ELMO1: variants seen among roughly 807,000 people sequenced by gnomAD.
The protein encoded by ELMO1 is engulfment and cell motility protein 1.
A neutral mutation model predicts 98.9 loss-of-function variants in ELMO1; 26 were observed. The observed-to-expected ratio is 0.26, with a 90% CI of 0.19 to 0.36. The LOEUF (loss-of-function observed/expected upper bound fraction) is 0.36. Ranked by LOEUF, ELMO1 falls within the 10% of genes least tolerant of loss-of-function variation. The probability of loss-of-function intolerance (pLI) is 1.00; values close to 1 mark genes in which losing one functional copy is unlikely to be tolerated. For missense variants in ELMO1, 627 were observed against 935.2 expected (o/e 0.67, Z 4.30); for synonymous variants, 346 against 346.0 (o/e 1.00, Z 0.00).
intron 17 of ELMO1, among the ~76,000 whole-genome samples, chr7:36,892,865 G>C (rs1805678396): frequency 6.6e-6 from 1 of 152,116 alleles, no homozygotes; most frequent in Non-Finnish European, 1.5e-5. Context: ...GTACTTCTTG[G>C]TCCATGGCCG....
intron 16 of ELMO1, among the ~76,000 whole-genome samples, chr7:36,976,772 C>T (rs779244742): frequency 1.3e-5 from 2 of 152,160 alleles, no homozygotes; most frequent in Admixed American, 6.5e-5. Flanking sequence ...TTTTAATGTA[C>T]GTGTGGAAGC....
chr7:37,136,147 C>T (rs1008247339), intron 13 of ELMO1, among the ~76,000 whole-genome samples: 16 of 151,950 alleles, frequency 1.1e-4, no homozygotes, highest in African/African-American at 2.9e-4. Flanking sequence ...ACAAGGCTTT[C>T]GAATTAACCC....
Position 37,342,502 on chromosome 7 carries a change from T to C in ELMO1, c.78+111A>G. 8.9e-7 allele frequency: 1 copy of C among 1,124,588 alleles called. No individual in the cohort carries two copies. Among genetic ancestry groups the C allele is most frequent in the South Asian group, 1.3e-5 (1 of 78,466 alleles). The allele number at this position is 1,124,588 out of a possible 1,614,324, so 69.7% of individuals were successfully genotyped here. A position where few individuals can be genotyped will look rare whatever the true frequency, so the allele number is the denominator to read the frequency against. On this transcript the variant is annotated intron_variant, in intron 2 of 21. Transcript: ENST00000310758. The surrounding 1 kb of genome is among the most constrained non-coding windows in gnomAD (Gnocchi z 4.3). Reference sequence around the variant, plus strand: ...TTGCAACTATTATTGCACAGATTTTTCAACACAGCTAGAGAGAGAAAGGGA... The same window carrying C: ...TTGCAACTATTATTGCACAGATTTTCCAACACAGCTAGAGAGAGAAAGGGA...
chr7:37,163,756 G>C (rs1437503434), intron 13 of ELMO1, among the ~76,000 whole-genome samples: 8 of 152,228 alleles, frequency 5.3e-5, no homozygotes, highest in East Asian at 3.9e-4. Flanking sequence ...ATTTGGGTTG[G>C]TTCCAAGTCT....
intron 16 of ELMO1, among the ~76,000 whole-genome samples, chr7:36,903,923 G>C (rs1783774096): frequency 6.6e-6 from 1 of 152,238 alleles, no homozygotes; most frequent in Non-Finnish European, 1.5e-5. Context: ...GCGGACAGGG[G>C]ACTGTGCCTG....
chr7:37,140,618 A>C (rs6942822), intron 13 of ELMO1, among the ~76,000 whole-genome samples: 137,632 of 152,190 alleles, frequency 0.9, 62,402 homozygotes, highest in Non-Finnish European at 0.94. Context: ...GGGAGAAAAT[A>C]TTCACAATCT....
chr7:37,162,030 G>A (rs1789257541), intron 13 of ELMO1, among the ~76,000 whole-genome samples: 1 of 146,168 alleles, frequency 6.8e-6, no homozygotes, highest in South Asian at 2.2e-4. Context: ...AGGAAAGGAG[G>A]GAGAAAAATG....
intron 13 of ELMO1, among the ~76,000 whole-genome samples, chr7:37,197,433 TGTCCGA>T (rs1421291847): frequency 6.6e-6 from 1 of 152,230 alleles, no homozygotes; most frequent in Non-Finnish European, 1.5e-5. Context: ...GAAACAGACA[TGTCCGA>T]GTCTGGACGT....
intron 14 of ELMO1, among the ~76,000 whole-genome samples, chr7:37,124,771 A>AAAAAGTAGT (rs1348209799): frequency 0.025 from 3,872 of 152,278 alleles, 162 homozygotes; most frequent in African/African-American, 0.089. Flanking sequence ...TCTTCACAGA[A>AAAAAGTAGT]TTGGAAAAAA....
intron 4 of ELMO1, among the ~76,000 whole-genome samples, chr7:37,291,361 A>C (rs140291144): frequency 5.2e-4 from 79 of 152,338 alleles, no homozygotes; most frequent in African/African-American, 1.8e-3. Context: ...AAAAAGGACA[A>C]ATCTGATTGA....
chr7:37,162,300 G>A (rs1456443130), intron 13 of ELMO1, among the ~76,000 whole-genome samples: 1 of 152,084 alleles, frequency 6.6e-6, no homozygotes, highest in East Asian at 1.9e-4. Flanking sequence ...GGGCAAAGAT[G>A]AACAGCTGCC....
intron 14 of ELMO1, among the ~76,000 whole-genome samples, chr7:37,117,757 G>GA (rs1018497759): frequency 3.3e-5 from 5 of 152,082 alleles, no homozygotes; most frequent in African/African-American, 1.2e-4. Flanking sequence ...TTAAAGCCAG[G>GA]AAAAAAGTAA....
At chr7:37,151,356 C>G (rs1788345197) in intron 13 of ELMO1, among the ~76,000 whole-genome samples, 1 of 152,144 alleles carries the variant, frequency 6.6e-6, no homozygotes. Context: ...GTCAGGGGGA[C>G]TGTATGAGGA....
intron 10 of ELMO1, chr7:37,217,771 G>A (rs901993698): frequency 2.6e-5 from 12 of 456,916 alleles, no homozygotes; most frequent in African/African-American, 1.2e-4. Flanking sequence ...CGGCGTCATC[G>A]CCACCACAGA....
intron 6 of ELMO1, among the ~76,000 whole-genome samples, chr7:37,245,717 T>C (rs1391708504): frequency 1.3e-5 from 2 of 151,966 alleles, no homozygotes; most frequent in East Asian, 3.9e-4. Flanking sequence ...CAGGGCTCCT[T>C]GGGGAAGTGG....
chr7:37,181,227 C>T (rs1790841863), intron 13 of ELMO1, among the ~76,000 whole-genome samples: 1 of 152,036 alleles, frequency 6.6e-6, no homozygotes, highest in African/African-American at 2.4e-5. Context: ...ATCAGCATGC[C>T]CAGTGGCCAC....
chr7:37,053,350 A>C (rs1796221789), intron 15 of ELMO1, among the ~76,000 whole-genome samples: 1 of 151,696 alleles, frequency 6.6e-6, no homozygotes, highest in Admixed American at 6.6e-5. Context: ...ACAACAACAA[A>C]AGACTATTGT....
At chr7:37,062,185 T>C (rs1008891896) in intron 15 of ELMO1, among the ~76,000 whole-genome samples, 3 of 152,246 alleles carry the variant, frequency 2.0e-5, no homozygotes, top group Non-Finnish European at 4.4e-5. Flanking sequence ...AGTGCAAGTA[T>C]TTCTCTGACA....
chr7:37,322,155 G>A (rs1217194993), intron 2 of ELMO1, among the ~76,000 whole-genome samples: 1 of 151,664 alleles, frequency 6.6e-6, no homozygotes, highest in African/African-American at 2.4e-5. Context: ...ACCACACCTG[G>A]CCCTAAGAAT....
Sources: gnomAD v4.1 joint callset for allele counts (sites outside exome capture counted in the v4.1 genomes callset) on GRCh38, gnomAD v4.1.1 for gene constraint, Gnocchi (gnomAD v3.1) non-coding constraint, MANE v1.5 for transcripts, NCBI Gene and HGNC (gene_info 2026-07-23, HGNC 2026-07-21) for gene names.